The following DOCK3 variants were observed in gnomAD, a reference collection of about 807,000 sequenced individuals.
DOCK3 encodes the protein dedicator of cytokinesis 3.
DOCK3 carries 60 observed loss-of-function variants against 265.6 expected under a neutral mutation model. The ratio of observed to expected loss-of-function variants is 0.23; its 90% CI spans 0.18 to 0.28. The LOEUF (loss-of-function observed/expected upper bound fraction) is 0.28, where lower values mean the gene tolerates loss of function less well. Ranked by LOEUF, DOCK3 falls within the 10% of genes least tolerant of loss-of-function variation. The pLI is 1.00. For synonymous variants in DOCK3, 881 were observed against 938.0 expected, an observed-to-expected ratio of 0.94 and a Z score of 1.11; for missense variants, 1,981 against 2,594.3, an observed-to-expected ratio of 0.76 and a Z score of 5.14.
chr3:50,805,396 T>C (rs2043349083), intron 2 of DOCK3, among the ~76,000 whole-genome samples: 2 of 152,170 alleles, frequency 1.3e-5, no homozygotes, highest in African/African-American at 2.4e-5. Flanking sequence ...ATCAGCCAAC[T>C]TGGGGTATGG....
At chr3:51,071,965 A>T (rs2081891400) in intron 6 of DOCK3, among the ~76,000 whole-genome samples, 1 of 152,170 alleles carries the variant, frequency 6.6e-6, no homozygotes, top group South Asian at 2.1e-4. Flanking sequence ...TCTTAGTAGG[A>T]GGAACTCTTT....
chr3:51,289,257 A>G (rs926460420), intron 27 of DOCK3, among the ~76,000 whole-genome samples: 24 of 152,284 alleles, frequency 1.6e-4, no homozygotes, highest in Middle Eastern at 3.4e-3. Context: ...AAAGAAGGGA[A>G]CCACAGATAC....
chr3:51,050,819 A>G (rs2080966764), intron 5 of DOCK3, among the ~76,000 whole-genome samples: 1 of 152,230 alleles, frequency 6.6e-6, no homozygotes, highest in Non-Finnish European at 1.5e-5. Context: ...AGGTACCCAG[A>G]AAAAATATTT....
chr3:51,325,388 C>G (rs1364382766), intron 32 of DOCK3, among the ~76,000 whole-genome samples: 1 of 152,098 alleles, frequency 6.6e-6, no homozygotes, highest in African/African-American at 2.4e-5. Context: ...GTTAGAATGA[C>G]AGTCATTAAA....
chr3:50,866,252 T>C (rs2047137694), intron 3 of DOCK3, among the ~76,000 whole-genome samples: 1 of 152,040 alleles, frequency 6.6e-6, no homozygotes, highest in Admixed American at 6.5e-5. Flanking sequence ...TTTGGGAGGC[T>C]GAGGTGGGCA....
At chr3:51,140,813 T>G (rs954380645) in intron 9 of DOCK3, among the ~76,000 whole-genome samples, 2 of 152,182 alleles carry the variant, frequency 1.3e-5, no homozygotes, top group Non-Finnish European at 2.9e-5. Flanking sequence ...CGTGGTACCC[T>G]CATTGTGCTT....
intron 38 of DOCK3, 136 bp downstream of exon 38, chr3:51,341,521 T>TCCACATCTTAGGCAC: frequency 1.6e-6 from 2 of 1,260,370 alleles, no homozygotes; most frequent in Non-Finnish European, 2.2e-6. Context: ...TCTATGTGCC[T>TCCACATCTTAGGCAC]AAGATGTGGA....
At chr3:51,182,710 G>C (rs1048855316) in intron 12 of DOCK3, among the ~76,000 whole-genome samples, 1 of 152,180 alleles carries the variant, frequency 6.6e-6, no homozygotes, top group Non-Finnish European at 1.5e-5. Flanking sequence ...GAGAGGTTTT[G>C]ATCTTTATTG....
chr3:51,097,645 C>T (rs1052608744), intron 9 of DOCK3, among the ~76,000 whole-genome samples: 2 of 152,200 alleles, frequency 1.3e-5, no homozygotes, highest in Non-Finnish European at 2.9e-5. Flanking sequence ...GCGCTCCAGG[C>T]GCCACTGGGG....
rs182736235 is a variant in DOCK3 at position 50,988,776 on chromosome 3, C to T, written c.315+54699C>T. Among the ~76,000 whole-genome samples, 373 of 152,290 alleles carry T rather than the reference C, an allele frequency of 2.4e-3. 3 individuals are homozygous for T. Among genetic ancestry groups the T allele is most frequent in the African/African-American group, 8.5e-3 (355 of 41,570 alleles). ...CCCCAGGCATACCACAGCAGCCCTA[C>T]GGAAAAGTGGCCAGACTGTTATGTG... On this transcript the variant is annotated intron_variant, in intron 5 of 52. Transcript: ENST00000266037.
intron 14 of DOCK3, among the ~76,000 whole-genome samples, chr3:51,218,102 C>T (rs1212727988): frequency 6.7e-6 from 1 of 149,016 alleles, no homozygotes; most frequent in Non-Finnish European, 1.5e-5. Flanking sequence ...TGGATGACAG[C>T]GAGACCCCAT....
chr3:50,709,212 G>GAA (rs1289030868), intron 1 of DOCK3, among the ~76,000 whole-genome samples: 1 of 152,138 alleles, frequency 6.6e-6, no homozygotes, highest in Non-Finnish European at 1.5e-5. Flanking sequence ...CTAATTTATA[G>GAA]AAATACACTT....
chr3:51,152,395 A>C (rs1461072944), intron 10 of DOCK3, among the ~76,000 whole-genome samples: 1 of 152,144 alleles, frequency 6.6e-6, no homozygotes, highest in African/African-American at 2.4e-5. Flanking sequence ...CCATTCATCA[A>C]ATCTTTTTTC....
chr3:50,963,492 T>G (rs1040718361), intron 5 of DOCK3, among the ~76,000 whole-genome samples: 3 of 152,208 alleles, frequency 2.0e-5, no homozygotes, highest in African/African-American at 7.2e-5. Flanking sequence ...GACCAAATAT[T>G]GTTTATCTGA....
chr3:51,229,693 A>G, intron 19 of DOCK3, 84 bp downstream of exon 19: 4 of 969,302 alleles, frequency 4.1e-6, no homozygotes, highest in Non-Finnish European at 5.7e-6. Flanking sequence ...TTTGCCAATA[A>G]CCGTCTGAGA....
chr3:51,083,255 A>G (rs778041800), intron 7 of DOCK3, among the ~76,000 whole-genome samples: 3 of 152,052 alleles, frequency 2.0e-5, no homozygotes, highest in Non-Finnish European at 4.4e-5. Context: ...ATCAAATCCA[A>G]AGCACCCTAC....
intron 21 of DOCK3, among the ~76,000 whole-genome samples, chr3:51,243,165 G>A (rs2078686091): frequency 6.6e-6 from 1 of 152,174 alleles, no homozygotes; most frequent in African/African-American, 2.4e-5. Flanking sequence ...TCTCCCACGG[G>A]AGCAAGTCAA....
intron 5 of DOCK3, among the ~76,000 whole-genome samples, chr3:50,999,881 T>C (rs758587272): frequency 6.6e-6 from 1 of 152,160 alleles, no homozygotes; most frequent in Non-Finnish European, 1.5e-5. Context: ...ATCTATAATT[T>C]TAACAGATTT....
At chr3:50,699,381 A>T (rs1318960129) in intron 1 of DOCK3, among the ~76,000 whole-genome samples, 1 of 151,008 alleles carries the variant, frequency 6.6e-6, no homozygotes, top group Non-Finnish European at 1.5e-5. Flanking sequence ...TTTCAATATT[A>T]TTTTGGCTAT....
Sources: gnomAD v4.1 joint callset for allele counts (sites outside exome capture counted in the v4.1 genomes callset) on GRCh38, gnomAD v4.1.1 for gene constraint, MANE v1.5 for transcripts, NCBI Gene and HGNC (gene_info 2026-07-23, HGNC 2026-07-21) for gene names.